The following RPH3A variants were observed in gnomAD, a reference collection of about 807,000 sequenced individuals.
RPH3A encodes the protein rabphilin-3A.
In RPH3A, 48 loss-of-function variants were observed where a neutral mutation model predicts 102.2. The ratio of observed to expected loss-of-function variants is 0.47; its 90% CI spans 0.37 to 0.60. The LOEUF is 0.60. Among genes scored for constraint, RPH3A ranks in the 20% least tolerant of loss-of-function variants. The pLI is 0.00. For synonymous variants in RPH3A, 310 were observed against 324.3 expected (o/e 0.96, Z 0.47); for missense variants, 781 against 910.1 (o/e 0.86, Z 1.83).
chr12:112,604,884 G>A (rs181468925), intron 1 of RPH3A, among the ~76,000 whole-genome samples: 1 of 152,192 alleles, frequency 6.6e-6, no homozygotes, highest in Admixed American at 6.5e-5. Flanking sequence ...ATGGCAGCTG[G>A]CCACCCCCAG....
intron 1 of RPH3A, among the ~76,000 whole-genome samples, chr12:112,747,367 G>A (rs764588487): frequency 1.4e-4 from 21 of 152,146 alleles, no homozygotes; most frequent in Non-Finnish European, 2.5e-4. Context: ...CAGGAAGTGG[G>A]TCCTCATCAG....
chr12:112,703,497 G>T (rs745662371), intron 1 of RPH3A, among the ~76,000 whole-genome samples: 3 of 152,072 alleles, frequency 2.0e-5, no homozygotes, highest in African/African-American at 4.8e-5. Context: ...AAAAATTTTG[G>T]ACAGAAATAT....
At chr12:112,733,685 G>C (rs2040649395) in intron 1 of RPH3A, among the ~76,000 whole-genome samples, 1 of 152,182 alleles carries the variant, frequency 6.6e-6, no homozygotes, top group South Asian at 2.1e-4. Flanking sequence ...CCTTGCAATG[G>C]AAGGAAATTC....
intron 1 of RPH3A, among the ~76,000 whole-genome samples, chr12:112,591,803 A>G (rs2039481129): frequency 6.6e-6 from 1 of 152,104 alleles, no homozygotes; most frequent in South Asian, 2.1e-4. Context: ...ATTTCTTTTC[A>G]TCTGTGGTTT....
intron 2 of RPH3A, among the ~76,000 whole-genome samples, chr12:112,809,229 T>C (rs2041525464): frequency 6.6e-6 from 1 of 152,160 alleles, no homozygotes; most frequent in African/African-American, 2.4e-5. Context: ...ATTTGAGGGC[T>C]GTTGTTTGGT....
At chr12:112,767,233 G>A (rs1262718860) in intron 1 of RPH3A, among the ~76,000 whole-genome samples, 1 of 152,208 alleles carries the variant, frequency 6.6e-6, no homozygotes, top group Non-Finnish European at 1.5e-5. Flanking sequence ...CTAGTCCACA[G>A]TAGAGGCATA....
intron 1 of RPH3A, among the ~76,000 whole-genome samples, chr12:112,754,704 T>C (rs1179307749): frequency 1.3e-5 from 2 of 152,226 alleles, no homozygotes; most frequent in Admixed American, 1.3e-4. Flanking sequence ...AAACTTTTCT[T>C]AGTACCATAA....
chr12:112,799,455 A>G (rs549538901), intron 2 of RPH3A, among the ~76,000 whole-genome samples: 2 of 152,316 alleles, frequency 1.3e-5, no homozygotes, highest in South Asian at 4.1e-4. Context: ...TGAGTTGGTC[A>G]TCTTACCTCC....
chr12:112,751,972 A>G (rs928968518), intron 1 of RPH3A, among the ~76,000 whole-genome samples: 60 of 152,222 alleles, frequency 3.9e-4, no homozygotes, highest in African/African-American at 1.4e-3. Context: ...ATTTAAATTT[A>G]AAGCAGTAAA....
chr12:112,783,935 A>G (rs1228637799), intron 1 of RPH3A, among the ~76,000 whole-genome samples: 1 of 152,168 alleles, frequency 6.6e-6, no homozygotes, highest in Non-Finnish European at 1.5e-5. Flanking sequence ...GAGGAATCTG[A>G]TTTATTCATT....
At chr12:112,772,729 T>A (rs141335299) in intron 1 of RPH3A, among the ~76,000 whole-genome samples, 58 of 151,238 alleles carry the variant, frequency 3.8e-4, no homozygotes, top group African/African-American at 1.3e-3. Context: ...TAATTAATTA[T>A]TTAATTTATA....
At chr12:112,631,720 C>T (rs1253145470) in intron 1 of RPH3A, among the ~76,000 whole-genome samples, 1 of 151,862 alleles carries the variant, frequency 6.6e-6, no homozygotes, top group Non-Finnish European at 1.5e-5. Context: ...GATGGGCTCT[C>T]CTCATGTTGC....
At chr12:112,844,164 A>ACCC (rs2042192974) in intron 4 of RPH3A, among the ~76,000 whole-genome samples, 1 of 152,214 alleles carries the variant, frequency 6.6e-6, no homozygotes, top group South Asian at 2.1e-4. Context: ...GGGTGTGGGC[A>ACCC]GGACCTGAGC....
At chr12:112,718,674 A>G (rs2040530449) in intron 1 of RPH3A, among the ~76,000 whole-genome samples, 1 of 152,088 alleles carries the variant, frequency 6.6e-6, no homozygotes, top group Non-Finnish European at 1.5e-5. Flanking sequence ...GAAGGTGGAG[A>G]CTCTTCTCTA....
chr12:112,604,610 T>C (rs773430541), intron 1 of RPH3A, among the ~76,000 whole-genome samples: 4 of 152,140 alleles, frequency 2.6e-5, no homozygotes, highest in African/African-American at 7.2e-5. Context: ...AGCTTACATG[T>C]TGGGTTAATT....
intron 16 of RPH3A, among the ~76,000 whole-genome samples, chr12:112,884,542 CA>C (rs1403167437): frequency 5.3e-5 from 8 of 152,108 alleles, no homozygotes; most frequent in African/African-American, 1.9e-4. Flanking sequence ...AAATTGTTTT[CA>C]GCTTTTTTCT....
intron 1 of RPH3A, among the ~76,000 whole-genome samples, chr12:112,768,164 C>T (rs2136070886): frequency 6.6e-6 from 1 of 152,152 alleles, no homozygotes; most frequent in East Asian, 1.9e-4. Context: ...GTATGCAAAG[C>T]CCCTGACTCA....
intron 1 of RPH3A, among the ~76,000 whole-genome samples, chr12:112,740,123 C>A (rs1291785872): frequency 6.6e-6 from 1 of 152,080 alleles, no homozygotes; most frequent in Admixed American, 6.6e-5. Context: ...ACCGAGACAC[C>A]AGCTAAGTTG....
intron 2 of RPH3A, among the ~76,000 whole-genome samples, chr12:112,819,517 C>T (rs1415976622): frequency 1.3e-5 from 2 of 152,310 alleles, no homozygotes; most frequent in African/African-American, 4.8e-5. Flanking sequence ...GGTCTGAAGC[C>T]AGCAATTGTC....
Sources: allele counts gnomAD v4.1 joint callset (sites outside exome capture counted in the v4.1 genomes callset), GRCh38; gene constraint gnomAD v4.1.1; transcripts MANE v1.5; gene names NCBI Gene and HGNC (gene_info 2026-07-23, HGNC 2026-07-21).